LUC7L2: variants seen among roughly 807,000 people sequenced by gnomAD.
LUC7L2 encodes putative RNA-binding protein Luc7-like 2.
Under a neutral mutation model 52.8 loss-of-function variants are expected in LUC7L2, and 25 were observed. The observed-to-expected ratio is 0.47, with a 90% CI of 0.34 to 0.66. The LOEUF (loss-of-function observed/expected upper bound fraction) is 0.66. Ranked by LOEUF, LUC7L2 falls within the 30% of genes least tolerant of loss-of-function variation. The pLI, the probability that LUC7L2 is intolerant of heterozygous loss-of-function variation, is 0.01. For missense variants in LUC7L2, 328 were observed against 497.8 expected (o/e 0.66, Z 3.25); for synonymous variants, 144 against 160.9 (o/e 0.89, Z 0.80).
chr7:139,418,415 C>G (rs969267791), intron 9 of LUC7L2, among the ~76,000 whole-genome samples: 1 of 152,174 alleles, frequency 6.6e-6, no homozygotes, highest in African/African-American at 2.4e-5. Flanking sequence ...CACATGATGG[C>G]CCTTAAACCA....
intron 1 of LUC7L2, among the ~76,000 whole-genome samples, chr7:139,349,406 C>G (rs746101807): frequency 1.3e-5 from 2 of 152,048 alleles, no homozygotes; most frequent in Non-Finnish European, 2.9e-5. Context: ...TATTCATAGT[C>G]GCACCATCAA....
At chr7:139,352,766 A>G (rs987397961) in intron 1 of LUC7L2, among the ~76,000 whole-genome samples, 1 of 152,250 alleles carries the variant, frequency 6.6e-6, no homozygotes, top group Non-Finnish European at 1.5e-5. Context: ...TTCACATACT[A>G]GGATTATGTG....
intron 2 of LUC7L2, among the ~76,000 whole-genome samples, chr7:139,381,060 G>A (rs1378585451): frequency 6.6e-6 from 1 of 151,966 alleles, no homozygotes; most frequent in African/African-American, 2.4e-5. Context: ...TAACTTTACT[G>A]TTGATAGGCC....
intron 2 of LUC7L2, among the ~76,000 whole-genome samples, chr7:139,393,899 T>G (rs959929908): frequency 6.6e-6 from 1 of 152,176 alleles, no homozygotes; most frequent in African/African-American, 2.4e-5. Flanking sequence ...CCTGAAGAGA[T>G]AACCACTGAG....
intron 1 of LUC7L2, chr7:139,375,169 A>G (rs776578884): frequency 1.0e-5 from 10 of 983,182 alleles, no homozygotes; most frequent in Admixed American, 6.2e-5. Flanking sequence ...AATTTTAACT[A>G]ACATCTATAT....
At chr7:139,358,932 T>TG, upstream of LUC7L2, 1 of 152,408 alleles carries the variant, frequency 6.6e-6, no homozygotes, top group East Asian at 1.9e-4. Context: ...CCACCTCCCT[T>TG]GGCCTCCCAA....
intron 1 of LUC7L2, among the ~76,000 whole-genome samples, chr7:139,349,567 T>G (rs771955733): frequency 1.1e-4 from 17 of 152,020 alleles, no homozygotes; most frequent in Non-Finnish European, 2.1e-4. Context: ...GATAAGTGAT[T>G]TACTTCATTT....
chr7:139,362,144 A>G (rs1799918162), intron 1 of LUC7L2, among the ~76,000 whole-genome samples: 1 of 151,934 alleles, frequency 6.6e-6, no homozygotes, highest in East Asian at 1.9e-4. Flanking sequence ...AGGATTTATG[A>G]TCGAACTCAT....
chr7:139,396,113 G>A (rs1794654617), intron 2 of LUC7L2, among the ~76,000 whole-genome samples: 1 of 152,208 alleles, frequency 6.6e-6, no homozygotes, highest in African/African-American at 2.4e-5. Flanking sequence ...CTCTGAGGAT[G>A]TTTGTTCTAC....
chr7:139,348,978 T>C (rs997996346), intron 1 of LUC7L2, among the ~76,000 whole-genome samples: 1 of 151,940 alleles, frequency 6.6e-6, no homozygotes, highest in African/African-American at 2.4e-5. Context: ...CTGGCCAACA[T>C]AGTGAAACCC....
At chr7:139,341,528 G>A in intron 1 of LUC7L2, 3 of 1,610,698 alleles carry the variant, frequency 1.9e-6, no homozygotes, top group Non-Finnish European at 1.7e-6. Context: ...ATCGGGTACG[G>A]GAGCCATGTC....
chr7:139,421,544 CTTG>C (rs1438162141), intron 9 of LUC7L2, among the ~76,000 whole-genome samples: 1 of 152,090 alleles, frequency 6.6e-6, no homozygotes, highest in Non-Finnish European at 1.5e-5. Context: ...TTTATTTCCC[CTTG>C]TTGGTTGAAT....
At chr7:139,401,387 G>T (rs964178346) in intron 3 of LUC7L2, among the ~76,000 whole-genome samples, 2 of 151,978 alleles carry the variant, frequency 1.3e-5, no homozygotes, top group Non-Finnish European at 2.9e-5. Context: ...TACAAAATTG[G>T]GATCTTACTG....
intron 7 of LUC7L2, among the ~76,000 whole-genome samples, chr7:139,412,143 C>T (rs923090538): frequency 1.6e-4 from 24 of 150,988 alleles, no homozygotes; most frequent in African/African-American, 4.1e-4. Flanking sequence ...CCCAGCACTT[C>T]GGAAGGCCAA....
At chr7:139,342,545 G>T (rs116017787) in intron 1 of LUC7L2, among the ~76,000 whole-genome samples, 1,618 of 152,152 alleles carry the variant, frequency 0.011, 31 homozygotes, top group African/African-American at 0.037. Flanking sequence ...CTAAGATTGT[G>T]ATCACCTCCC....
At chr7:139,398,774 T>TCC in intron 3 of LUC7L2, 77 bp downstream of exon 3, 1 of 1,377,462 alleles carries the variant, frequency 7.3e-7, no homozygotes, top group Non-Finnish European at 9.9e-7. Flanking sequence ...GATCTCTTAA[T>TCC]AGGAAAAACT....
intron 2 of LUC7L2, among the ~76,000 whole-genome samples, chr7:139,379,961 G>C (rs1457692059): frequency 6.6e-6 from 1 of 152,002 alleles, no homozygotes; most frequent in Non-Finnish European, 1.5e-5. Flanking sequence ...ATCACTTGAG[G>C]TCAGGAGTTT....
intron 7 of LUC7L2, among the ~76,000 whole-genome samples, chr7:139,409,940 G>T (rs1299424504): frequency 3.3e-5 from 5 of 152,180 alleles, no homozygotes; most frequent in African/African-American, 9.7e-5. Flanking sequence ...GGGCATGGTG[G>T]CTCACGCCTG....
chr7:139,419,144 A>G (rs949179025), intron 9 of LUC7L2, among the ~76,000 whole-genome samples: 3 of 145,870 alleles, frequency 2.1e-5, no homozygotes, highest in Non-Finnish European at 4.6e-5. Flanking sequence ...AAAAAAAACA[A>G]AAAGTCTCCT....
Sources: allele counts gnomAD v4.1 joint callset (sites outside exome capture counted in the v4.1 genomes callset), GRCh38; gene constraint gnomAD v4.1.1; transcripts MANE v1.5; gene names NCBI Gene and HGNC (gene_info 2026-07-23, HGNC 2026-07-21).